Variants in BIRC5 observed in about 807,000 individuals in gnomAD.
BIRC5 encodes baculoviral IAP repeat-containing protein 5.
In BIRC5, 8 loss-of-function variants were observed where a neutral mutation model predicts 15.8. The ratio of observed to expected loss-of-function variants is 0.51; its 90% CI spans 0.30 to 0.91. BIRC5 has a LOEUF of 0.91. BIRC5 is among the 40% of genes least tolerant of loss of function. BIRC5 has a pLI of 0.07. For missense variants in BIRC5, 163 were observed against 178.6 expected (o/e 0.91, Z 0.50); for synonymous variants, 56 against 64.5 (o/e 0.87, Z 0.63).
rs1255626643 is a variant in BIRC5 at position 78,214,283 on chromosome 17, C to T, written c.-34C>T. ...GCGCCATTAACCGCCAGATTTGAAT[C>T]GCGGGACCCGTTGGCAGAGGTGGCG... On this transcript the variant is annotated 5_prime_UTR_variant, in exon 1 of 4. Transcript: ENST00000350051. 7 of 1,572,754 alleles carry T rather than the reference C, an allele frequency of 4.5e-6. No individual in the cohort carries two copies. Among genetic ancestry groups the T allele is most frequent in the Non-Finnish European group, 6.1e-6 (7 of 1,154,796 alleles).
At chr17:78,215,967 G>A in intron 2 of BIRC5, 2 of 1,065,466 alleles carry the variant, frequency 1.9e-6, no homozygotes, top group South Asian at 3.5e-5. Flanking sequence ...TCCTTACAGT[G>A]GGCCGGGCAC....
Position 78,224,638 on chromosome 17 carries a change from G to C in BIRC5, c.*1084G>C, listed in dbSNP as rs1382660186. 1 of 152,234 alleles carries C rather than the reference G, an allele frequency of 6.6e-6. No individual in the cohort carries two copies. The highest frequency in any genetic ancestry group is 2.1e-4 in the South Asian group (1 of 4,828). The allele number at this position is 152,234 out of a possible 1,614,324, so 9.4% of individuals were successfully genotyped here. On this transcript the variant is annotated 3_prime_UTR_variant, in exon 4 of 4. Coordinates refer to ENST00000350051, the MANE Select transcript of BIRC5 (RefSeq NM_001168.3). ...CTGCAGGGTGGATTGTTACAGCTTCGCTGGAAACCTCTGGAGGTCATCTCG... is the reference window on the plus strand; with the variant it reads ...CTGCAGGGTGGATTGTTACAGCTTCCCTGGAAACCTCTGGAGGTCATCTCG...
chr17:78,216,783 T>C lies in BIRC5; in HGVS notation c.339+2T>C, dbSNP rs1175016527. On this transcript the variant is annotated splice_donor_variant, in intron 3 of 3. Coordinates refer to ENST00000350051, the MANE Select transcript of BIRC5 (RefSeq NM_001168.3). LOFTEE classifies it high-confidence loss of function. The stretch of plus-strand genomic sequence containing the variant: ...AGAGAAAGAGCCAAGAACAAAATTG[T>C]ATGTATTGGGAATAAGAACTGCTCA... The C allele has an allele frequency of 6.2e-7, 1 of 1,610,022 alleles. No homozygotes were observed. Among genetic ancestry groups the C allele is most frequent in the East Asian group, 2.2e-5 (1 of 44,854 alleles).
chr17:78,217,483 G>A (rs1217834642), intron 3 of BIRC5, among the ~76,000 whole-genome samples: 1 of 145,382 alleles, frequency 6.9e-6, no homozygotes, highest in African/African-American at 2.5e-5. Flanking sequence ...GCCTCAGGAA[G>A]TATTTTTATT....
Position 78,214,765 on chromosome 17 carries a change from G to T in BIRC5, c.197G>T (p.Gly66Val), listed in dbSNP as rs1234092814. ...QCFFCFKELE[G>V]WEPDDDPIEE... ...TTCTTCTGCTTCAAGGAGCTGGAAG[G>T]CTGGGAGCCAGATGACGACCCCATG... is the stretch of plus-strand genomic sequence containing the variant. The change falls in exon 2 of 4, where the codon GGC becomes GTC. Residue 66 changes from glycine (G) to valine (V), a missense_variant. By Grantham distance (109) the Gly-to-Val change is moderately radical (BLOSUM62 -3). Transcript: ENST00000350051. 7.4e-6 allele frequency: 12 copies of T among 1,613,260 alleles called. No individual in the cohort carries two copies. Among genetic ancestry groups the T allele is most frequent in the Non-Finnish European group, 9.3e-6 (11 of 1,179,662 alleles).
At chr17:78,216,531 T>C (rs1448046815) in intron 2 of BIRC5, 133 bp from the exon 3 acceptor site, 1 of 723,828 alleles carries the variant, frequency 1.4e-6, no homozygotes, top group Admixed American at 2.1e-5. Context: ...TGCCATCAAC[T>C]TCAGACTTGA....
intron 3 of BIRC5, among the ~76,000 whole-genome samples, chr17:78,218,566 A>G (rs1298380340): frequency 6.7e-6 from 1 of 150,346 alleles, no homozygotes; most frequent in African/African-American, 2.5e-5. Flanking sequence ...CTGGGATTAC[A>G]GGCATGAGCC....
Position 78,224,893 on chromosome 17 carries a change from A to C in BIRC5, c.*1339A>C, listed in dbSNP as rs1047842684. 3 of 152,190 alleles carry C rather than the reference A, an allele frequency of 2.0e-5. No homozygotes were observed. Among genetic ancestry groups the C allele is most frequent in the African/African-American group, 7.2e-5 (3 of 41,446 alleles). The allele number at this position is 152,190 out of a possible 1,614,324, so 9.4% of individuals were successfully genotyped here. On this transcript the variant is annotated 3_prime_UTR_variant, in exon 4 of 4. Transcript: ENST00000350051. ...ATCATCCGGGCTCCTTCCGGGCAGA[A>C]ACAACTGAAAATGCACTTCAGACCC...
At chr17:78,222,971 C>T in intron 3 of BIRC5, 1 of 1,501,938 alleles carries the variant, frequency 6.7e-7, no homozygotes. Context: ...CTGGACTTTC[C>T]TCCAGGAGTT....
Position 78,214,269 on chromosome 17 carries a change from C to A in BIRC5, c.-48C>A, listed in dbSNP as rs766631590. On this transcript the variant is annotated 5_prime_UTR_variant, in exon 1 of 4. Transcript: ENST00000350051. ...ACATGCCCCGCGGCGCGCCATTAACCGCCAGATTTGAATCGCGGGACCCGT... is the reference window on the plus strand; with the variant it reads ...ACATGCCCCGCGGCGCGCCATTAACAGCCAGATTTGAATCGCGGGACCCGT... The A allele has an allele frequency of 8.5e-6, 13 of 1,537,660 alleles. No homozygotes were observed. The highest frequency in any genetic ancestry group is 1.2e-5 in the Non-Finnish European group (13 of 1,129,596).
In BIRC5 at chr17:78,224,141, T is replaced by C. The variant is rs2076534693; in HGVS notation, c.*587T>C. ...CAGAGTCCCTGGCTCCTCTACTGTT[T>C]AACAACATGGCTTTCTTATTTTGTT... On this transcript the variant is annotated 3_prime_UTR_variant, in exon 4 of 4. Transcript: ENST00000350051. The C allele has an allele frequency of 6.6e-6, 1 of 152,254 alleles. No homozygotes were observed. Among genetic ancestry groups the C allele is most frequent in the Admixed American group, 6.6e-5 (1 of 15,222 alleles). 9.4% of individuals were successfully genotyped at this position (152,254 alleles called of 1,614,324 possible). A position where few individuals can be genotyped will look rare whatever the true frequency, so the allele number is the denominator to read the frequency against.
intron 3 of BIRC5, among the ~76,000 whole-genome samples, chr17:78,219,638 T>C (rs760384682): frequency 6.6e-6 from 1 of 152,198 alleles, no homozygotes; most frequent in Non-Finnish European, 1.5e-5. Flanking sequence ...GGGATCATCT[T>C]TTTCCAGGTC....
intron 3 of BIRC5, among the ~76,000 whole-genome samples, chr17:78,220,796 C>T (rs2076510257): frequency 6.6e-6 from 1 of 152,106 alleles, no homozygotes; most frequent in African/African-American, 2.4e-5. Context: ...TCTTGGCTCA[C>T]CTCAGCCTCG....
chr17:78,223,554 A>AG lies in BIRC5; in HGVS notation c.*2dup. On this transcript the variant is annotated 3_prime_UTR_variant, in exon 4 of 4. Coordinates refer to ENST00000350051, the MANE Select transcript of BIRC5 (RefSeq NM_001168.3). Reference sequence around the variant, plus strand: ...TCGAGCAGCTGGCTGCCATGGATTGAGGCCTCTGGCCGGAGCTGCCTGGTC... The same window carrying AG: ...TCGAGCAGCTGGCTGCCATGGATTGAGGGCCTCTGGCCGGAGCTGCCTGGTC... The AG allele has an allele frequency of 2.5e-6, 4 of 1,613,858 alleles. No individual in the cohort carries two copies. The highest frequency in any genetic ancestry group is 3.4e-6 in the Non-Finnish European group (4 of 1,179,842).
At position 78,223,764 on chromosome 17, in the gene BIRC5, C is replaced by T; in HGVS notation, c.*210C>T. The T allele has an allele frequency of 9.1e-7, 1 of 1,095,986 alleles. No homozygotes were observed. The highest frequency in any genetic ancestry group is 1.2e-6 in the Non-Finnish European group (1 of 820,084). 67.9% of individuals were successfully genotyped at this position (1,095,986 alleles called of 1,614,324 possible). A position where few individuals can be genotyped will look rare whatever the true frequency, so the allele number is the denominator to read the frequency against. ...CCTGTGCAGCGGGTGCTGCTGGTAACAGTGGCTGCTTCTCTCTCTCTCTCT... is the reference window on the plus strand; with the variant it reads ...CCTGTGCAGCGGGTGCTGCTGGTAATAGTGGCTGCTTCTCTCTCTCTCTCT... On this transcript the variant is annotated 3_prime_UTR_variant, in exon 4 of 4. Coordinates refer to ENST00000350051, the MANE Select transcript of BIRC5 (RefSeq NM_001168.3).
chr17:78,217,443 T>C (rs17878984), intron 3 of BIRC5, among the ~76,000 whole-genome samples: 4,666 of 150,284 alleles, frequency 0.031, 250 homozygotes, highest in African/African-American at 0.11. Context: ...CCCAAAGTGC[T>C]GAGATTATAG....
chr17:78,222,773 A>T, intron 3 of BIRC5: 1 of 1,529,724 alleles, frequency 6.5e-7, no homozygotes, highest in Non-Finnish European at 8.7e-7. Context: ...TATAAAAAAT[A>T]TGGTAGGGAA....
At chr17:78,217,687 C>T (rs1013748463) in intron 3 of BIRC5, among the ~76,000 whole-genome samples, 1 of 150,476 alleles carries the variant, frequency 6.6e-6, no homozygotes. Context: ...TTAGTAGAGA[C>T]GGGTTTTCAC....
In BIRC5 at chr17:78,223,448, C is replaced by T. The variant is rs1186766751; in HGVS notation, c.340-17C>T. 1 of 1,581,012 alleles carries T rather than the reference C, an allele frequency of 6.3e-7. No homozygotes were observed. Among genetic ancestry groups the T allele is most frequent in the South Asian group, 1.2e-5 (1 of 85,962 alleles). ...AAGCTCTGGTTTCAGTGTCATGTGT[C>T]TATTCTTTATTTCCAGGCAAAGGAA... On this transcript the variant is annotated splice_polypyrimidine_tract_variant and intron_variant, in intron 3 of 3. Coordinates refer to ENST00000350051, the MANE Select transcript of BIRC5 (RefSeq NM_001168.3).
Sources: gnomAD v4.1 joint callset for allele counts (sites outside exome capture counted in the v4.1 genomes callset) on GRCh38, gnomAD v4.1.1 for gene constraint, MANE v1.5 for transcripts, NCBI Gene and HGNC (gene_info 2026-07-23, HGNC 2026-07-21) for gene names.